Variants in B4GALT6 observed in about 807,000 individuals in gnomAD.
B4GALT6 encodes UDP-Gal:beta-GlcNAc beta-1,4-galactosyltransferase 6.
A neutral mutation model predicts 46.3 loss-of-function variants in B4GALT6; 14 were observed. That is an observed-to-expected ratio of 0.30 (90% confidence interval 0.20 to 0.47). The LOEUF is 0.47. Ranked by LOEUF, B4GALT6 falls within the 20% of genes least tolerant of loss-of-function variation. The pLI is 0.99. For missense variants in B4GALT6, 386 were observed against 480.1 expected (o/e 0.80, Z 1.83); for synonymous variants, 168 against 162.0 (o/e 1.04, Z -0.28).
At position 31,639,645 on chromosome 18, in the gene B4GALT6, C is replaced by T. The variant is rs1008197893; in HGVS notation, c.472-885G>A. Among the ~76,000 whole-genome samples, 9 of 152,202 alleles carry T rather than the reference C, an allele frequency of 5.9e-5. No homozygotes were observed. In the East Asian group the frequency reaches 1.7e-3, roughly 29 times the overall value. On this transcript the variant is annotated intron_variant, in intron 4 of 8. Transcript: ENST00000306851. ...CCATAACAAGAAAAGATGATGTAAG[C>T]AGCACAGACATTTGTCTTTATCAAC...
At position 31,666,298 on chromosome 18, in the gene B4GALT6, T is replaced by A. The variant is rs768527976; in HGVS notation, c.190A>T (p.Ile64Phe). 6.2e-6 allele frequency: 10 copies of A among 1,609,724 alleles called. No individual in the cohort carries two copies. The South Asian group carries it at 1.0e-4, about 16-fold the overall frequency. ...RENVKTIGHM[I>F]RLYTNKNSTL... ...CTGTTTTTATTTGTGTACAGCCTGA[T>A]CATATGACCTATTGTTTTCACATTT... Residue 64 changes from isoleucine to phenylalanine, a missense_variant, in exon 2 of 9, where the codon ATC becomes TTC. Around this residue, in one of 2 missense-constraint regions of B4GALT6, gnomAD observed 323 missense variants for 438.9 expected, o/e 0.74. Coordinates refer to ENST00000306851, the MANE Select transcript of B4GALT6 (RefSeq NM_004775.5).
At chr18:31,685,493 C>A (rs943371181), upstream of B4GALT6, among the ~76,000 whole-genome samples, 43 of 151,648 alleles carry the variant, frequency 2.8e-4, no homozygotes, top group Non-Finnish European at 5.3e-4. Flanking sequence ...CGCCGGGCCC[C>A]GAGGAAACCT....
intron 3 of B4GALT6, among the ~76,000 whole-genome samples, chr18:31,657,219 A>T (rs78279997): frequency 0.076 from 11,453 of 151,446 alleles, 682 homozygotes; most frequent in African/African-American, 0.16. Flanking sequence ...ATATATATAT[A>T]TTTTTTTTGC....
chr18:31,631,167 G>T, intron 5 of B4GALT6, 21 bp from the exon 6 acceptor site: 1 of 1,517,094 alleles, frequency 6.6e-7, no homozygotes, highest in South Asian at 1.2e-5. Context: ...CAGACCGAGA[G>T]AAAAAAATAG....
Position 31,643,894 on chromosome 18 carries a change from C to CTA in B4GALT6, c.471+1459_471+1460dup, listed in dbSNP as rs552315801. Among the ~76,000 whole-genome samples the CTA allele has an allele frequency of 1.1e-4, 17 of 152,316 alleles. 1 individual carries two copies. In the East Asian group the frequency reaches 2.3e-3, roughly 21 times the overall value. Reference sequence around the variant, plus strand: ...AACTATCTGAGCATGAACCTCCATGCTATCCCACAGCCTCGGTGACTGAGT... The same window carrying CTA: ...AACTATCTGAGCATGAACCTCCATGCTATATCCCACAGCCTCGGTGACTGAGT... On this transcript the variant is annotated intron_variant, in intron 4 of 8. Transcript: ENST00000306851.
At chr18:31,696,875 A>G in the B4GALT6 span, among the ~76,000 whole-genome samples, 4 of 152,278 alleles carry the variant, frequency 2.6e-5, no homozygotes, top group South Asian at 8.3e-4. Flanking sequence ...TGCCCTCACT[A>G]CTAATGATTG....
At chr18:31,674,552 A>T (rs2074394635) in intron 1 of B4GALT6, among the ~76,000 whole-genome samples, 2 of 152,226 alleles carry the variant, frequency 1.3e-5, no homozygotes, top group Admixed American at 1.3e-4. Context: ...AACTACAGAT[A>T]TGTGAATCAG....
chr18:31,631,019 T>C lies in B4GALT6; in HGVS notation c.716A>G (p.Tyr239Cys). 1 of 1,614,180 alleles carries C rather than the reference T, an allele frequency of 6.2e-7. No individual in the cohort carries two copies. The highest frequency in any genetic ancestry group is 8.5e-7 in the Non-Finnish European group (1 of 1,180,030). ...VDHLPENDRN[Y>C]YGCGEMPRHF... is the part of the protein sequence containing the mutation. ...ACGTGGCATTTCTCCACATCCGTAA[T>C]AGTTCCGGTCATTTTCAGGTAGATG... The change falls in exon 6 of 9, where the codon TAT (tyrosine) becomes TGT (cysteine). Residue 239 changes from tyrosine to cysteine, a missense_variant. Coordinates refer to ENST00000306851, the MANE Select transcript of B4GALT6 (RefSeq NM_004775.5).
chr18:31,651,625 C>T (rs1028691075), intron 3 of B4GALT6, among the ~76,000 whole-genome samples: 4 of 152,140 alleles, frequency 2.6e-5, no homozygotes, highest in Non-Finnish European at 5.9e-5. Flanking sequence ...TCCAAATAAA[C>T]CGCGGGCTTC....
chr18:31,684,773 G>GGCTGCAGGTGGGAGGAGGC, upstream of B4GALT6: 1 of 1,075,168 alleles, frequency 9.3e-7, no homozygotes, highest in Non-Finnish European at 1.1e-6. Flanking sequence ...CGGGAGGAGG[G>GGCTGCAGGTGGGAGGAGGC]GCTGCAGGTG....
chr18:31,657,492 T>G (rs1023535231), intron 3 of B4GALT6, among the ~76,000 whole-genome samples: 1 of 152,210 alleles, frequency 6.6e-6, no homozygotes, highest in Non-Finnish European at 1.5e-5. Flanking sequence ...CATCTATCTA[T>G]GTAGAAAACA....
chr18:31,668,862 C>T (rs867311510), intron 1 of B4GALT6, among the ~76,000 whole-genome samples: 54 of 130,068 alleles, frequency 4.2e-4, no homozygotes, highest in African/African-American at 1.3e-3. Context: ...AAAAAAAAAA[C>T]TAGCCAGGCG....
chr18:31,715,537 C>CT, the B4GALT6 span, among the ~76,000 whole-genome samples: 787 of 49,630 alleles, frequency 0.016, 138 homozygotes, highest in Middle Eastern at 0.071. Context: ...CTGGAACTGT[C>CT]TTTTTTTTTT....
At chr18:31,672,835 C>T (rs1253326488) in intron 1 of B4GALT6, among the ~76,000 whole-genome samples, 1 of 152,162 alleles carries the variant, frequency 6.6e-6, no homozygotes, top group African/African-American at 2.4e-5. Flanking sequence ...CCCCAGCAAG[C>T]TAGCCCTTGA....
At chr18:31,681,947 G>A (rs564247876) in intron 1 of B4GALT6, among the ~76,000 whole-genome samples, 18 of 152,178 alleles carry the variant, frequency 1.2e-4, no homozygotes, top group African/African-American at 4.3e-4. Context: ...ATTATTTCAA[G>A]AAAAATCCAC....
chr18:31,720,862 A>T, the B4GALT6 span, among the ~76,000 whole-genome samples: 2 of 152,214 alleles, frequency 1.3e-5, no homozygotes, highest in Admixed American at 1.3e-4. Context: ...CAAATCTGGG[A>T]TATGCAGGCT....
At chr18:31,713,358 T>C in the B4GALT6 span, among the ~76,000 whole-genome samples, 18 of 152,298 alleles carry the variant, frequency 1.2e-4, no homozygotes, top group African/African-American at 4.1e-4. Flanking sequence ...TCTTTAAATA[T>C]ATACAAAAAT....
At chr18:31,637,797 C>T (rs943492822) in intron 5 of B4GALT6, among the ~76,000 whole-genome samples, 3 of 152,036 alleles carry the variant, frequency 2.0e-5, no homozygotes, top group African/African-American at 4.8e-5. Flanking sequence ...TTAAACACTG[C>T]GAATATAACC....
At chr18:31,653,630 T>C (rs991728755) in intron 3 of B4GALT6, among the ~76,000 whole-genome samples, 2 of 151,784 alleles carry the variant, frequency 1.3e-5, no homozygotes, top group African/African-American at 4.8e-5. Flanking sequence ...GTGTTTTTGG[T>C]AGAGACAGGT....
Sources: allele counts gnomAD v4.1 joint callset (sites outside exome capture counted in the v4.1 genomes callset), GRCh38; gene constraint gnomAD v4.1.1; regional missense constraint gnomAD v4.1.1; transcripts MANE v1.5; gene names NCBI Gene and HGNC (gene_info 2026-07-23, HGNC 2026-07-21).